Variants in GNAS observed in about 807,000 individuals in gnomAD.
The protein encoded by GNAS is protein ALEX.
Under a neutral mutation model 54.5 loss-of-function variants are expected in GNAS, and 8 were observed. The ratio of observed to expected loss-of-function variants is 0.15; its 90% CI spans 0.09 to 0.26. The LOEUF is 0.26. Among genes scored for constraint, GNAS ranks in the 10% least tolerant of loss-of-function variants. The pLI is 1.00. For missense variants in GNAS, 170 were observed against 529.8 expected, an observed-to-expected ratio of 0.32 and a Z score of 6.67; for synonymous variants, 204 against 191.4, an observed-to-expected ratio of 1.07 and a Z score of -0.54.
At chr20:58,890,573 CGTGTTCGGGGCGACCTGCTGCTTCCGA>C (rs2089105483), upstream of GNAS, 1 of 152,348 alleles carries the variant, frequency 6.6e-6, no homozygotes, top group Non-Finnish European at 1.5e-5. Flanking sequence ...GCTGCGGCTT[CGTGTTCGGGGCGACCTGCTGCTTCCGA>C]GTGTTCCTGG....
intron 1 of GNAS, among the ~76,000 whole-genome samples, chr20:58,843,691 T>C (rs1198713645): frequency 6.6e-6 from 1 of 152,186 alleles, no homozygotes; most frequent in Non-Finnish European, 1.5e-5. Context: ...CTAAACATGA[T>C]GATATGCCCC....
upstream of GNAS, among the ~76,000 whole-genome samples, chr20:58,890,126 G>A (rs1433720761): frequency 6.6e-6 from 1 of 151,892 alleles, no homozygotes; most frequent in Non-Finnish European, 1.5e-5. Flanking sequence ...AGCTCGAGAA[G>A]AAGCTGCTGG....
At chr20:58,900,541 G>A (rs974581741) in intron 3 of GNAS, 5 of 180,594 alleles carry the variant, frequency 2.8e-5, no homozygotes. Context: ...GGGAGGGGAG[G>A]AGCTCTTAAA....
intron 1 of GNAS, among the ~76,000 whole-genome samples, chr20:58,871,415 G>A (rs2087436098): frequency 6.6e-6 from 1 of 152,056 alleles, no homozygotes. Flanking sequence ...AGGAGTTCAA[G>A]ACCAGCCTGA....
intron 1 of GNAS, among the ~76,000 whole-genome samples, chr20:58,876,165 A>C (rs972904295): frequency 6.6e-6 from 1 of 152,222 alleles, no homozygotes; most frequent in African/African-American, 2.4e-5. Flanking sequence ...GAAACCCAAA[A>C]GCCTGCCAAT....
At chr20:58,872,780 T>G (rs1009415360) in intron 1 of GNAS, among the ~76,000 whole-genome samples, 9 of 152,284 alleles carry the variant, frequency 5.9e-5, no homozygotes, top group Non-Finnish European at 4.4e-5. Flanking sequence ...CACAGCCAGA[T>G]GCAAATCACA....
At chr20:58,882,218 G>A (rs931622820) in intron 1 of GNAS, among the ~76,000 whole-genome samples, 32 of 152,308 alleles carry the variant, frequency 2.1e-4, no homozygotes, top group African/African-American at 7.7e-4. Flanking sequence ...ACAGGCGCCC[G>A]CCACTGCGCC....
intron 1 of GNAS, among the ~76,000 whole-genome samples, chr20:58,870,905 C>T (rs2087398556): frequency 6.6e-6 from 1 of 152,166 alleles, no homozygotes; most frequent in African/African-American, 2.4e-5. Context: ...TACAGGAAAT[C>T]CCCCCAGCCT....
In GNAS at chr20:58,853,714, G is replaced by A. The variant is rs776836781; in HGVS notation, c.43+12828G>A. 6.2e-7 allele frequency: 1 copy of A among 1,613,850 alleles called. No individual in the cohort carries two copies. The highest frequency in any genetic ancestry group is 1.1e-5 in the South Asian group (1 of 91,086). On this transcript the variant is annotated intron_variant, in intron 1 of 12. Coordinates refer to the GNAS transcript ENST00000306090. This position sits in a 1 kb window ranked among gnomAD's most constrained non-coding sequence, Gnocchi z 4.4. Reference sequence around the variant, plus strand: ...GGAGCCTTCAGTGGTGCCAGACCAGGCCTGGGAGGATACAGCCCTCCACCA... The same window carrying A: ...GGAGCCTTCAGTGGTGCCAGACCAGACCTGGGAGGATACAGCCCTCCACCA...
chr20:58,844,058 C>T (rs564327261), intron 1 of GNAS: 2 of 152,194 alleles, frequency 1.3e-5, no homozygotes, highest in Non-Finnish European at 2.9e-5. Context: ...AGGAAGAAAG[C>T]TGAAACTTCA....
rs2091264466 is a variant in GNAS at position 58,909,106 on chromosome 20, T to A, written c.531-56T>A. The A allele has an allele frequency of 2.1e-6, 3 of 1,445,534 alleles. No individual in the cohort carries two copies. Among genetic ancestry groups the A allele is most frequent in the East Asian group, 4.5e-5 (2 of 44,118 alleles). The allele number at this position is 1,445,534 out of a possible 1,614,324, so 89.5% of individuals were successfully genotyped here. On this transcript the variant is annotated intron_variant, in intron 6 of 12. Transcript: ENST00000371085. This position sits in a 1 kb window ranked among gnomAD's most constrained non-coding sequence, Gnocchi z 7.3. ...TGACCTTGTAGAGAGACACAAATAG[T>A]TGGCAAATTGATGTGAGCGCTGTGA... is the stretch of plus-strand genomic sequence containing the variant.
At chr20:58,888,954 G>GC, upstream of GNAS, 4 of 424,000 alleles carry the variant, frequency 9.4e-6, 1 homozygote, top group Non-Finnish European at 1.3e-5. Flanking sequence ...GCGCGCCCGC[G>GC]CCCCCCGCCA....
intron 1 of GNAS, chr20:58,881,683 AT>A (rs1478200676): frequency 6.6e-6 from 1 of 152,192 alleles, no homozygotes; most frequent in Admixed American, 6.5e-5. Flanking sequence ...GGTTAAACCC[AT>A]GGACCCAGTG....
intron 1 of GNAS, chr20:58,854,669 G>A (rs2086366123): frequency 2.0e-6 from 3 of 1,528,192 alleles, no homozygotes; most frequent in Non-Finnish European, 2.6e-6. Context: ...CAGATGCCGG[G>A]GCGGCCCCTG....
Position 58,855,774 on chromosome 20 carries a change from TCAGA to T in GNAS, c.43+14892_43+14895del, listed in dbSNP as rs752302652. On this transcript the variant is annotated intron_variant, in intron 1 of 12. Coordinates refer to the GNAS transcript ENST00000306090. ...CCTCGCCTGGCACGGCTGCTTGGAC[TCAGA>T]CAGCTTGTCGTTGGTGTGTGTTGGT... The T allele has an allele frequency of 1.6e-4, 96 of 615,140 alleles. No homozygotes were observed. The Admixed American group carries it at 2.1e-3, about 13-fold the overall frequency. The allele number at this position is 615,140 out of a possible 1,614,324, so 38.1% of individuals were successfully genotyped here.
chr20:58,855,983 G>A, intron 1 of GNAS: 1 of 273,586 alleles, frequency 3.7e-6, no homozygotes, highest in Non-Finnish European at 6.9e-6. Flanking sequence ...ACCTGCGCCC[G>A]GGCGCTCTGC....
chr20:58,874,055 G>T (rs1214375249), intron 1 of GNAS, among the ~76,000 whole-genome samples: 1 of 152,240 alleles, frequency 6.6e-6, no homozygotes, highest in Non-Finnish European at 1.5e-5. Context: ...CAGCCATTCA[G>T]ATTTTCATGC....
At chr20:58,883,140 C>T (rs1310258593) in intron 1 of GNAS, 3 of 152,182 alleles carry the variant, frequency 2.0e-5, no homozygotes, top group Non-Finnish European at 4.4e-5. Context: ...GCCCTTCTGT[C>T]ATTTGGGTCC....
At chr20:58,894,163 A>T (rs1348044842) in intron 1 of GNAS, among the ~76,000 whole-genome samples, 2 of 152,218 alleles carry the variant, frequency 1.3e-5, no homozygotes, top group Non-Finnish European at 2.9e-5. Context: ...TCTTAAAATA[A>T]TTTTTCAGCC....
Sources: allele counts gnomAD v4.1 joint callset (sites outside exome capture counted in the v4.1 genomes callset), GRCh38; gene constraint gnomAD v4.1.1; non-coding constraint Gnocchi (gnomAD v3.1); transcripts MANE v1.5; gene names NCBI Gene and HGNC (gene_info 2026-07-23, HGNC 2026-07-21).